Variants in SPIRE2 observed in about 807,000 individuals in gnomAD.
SPIRE2 encodes the protein protein spire homolog 2.
A neutral mutation model predicts 80.7 loss-of-function variants in SPIRE2; 76 were observed. The observed-to-expected ratio is 0.94, with a 90% confidence interval of 0.78 to 1.14. The LOEUF is 1.14. SPIRE2 is among the 50% of genes most tolerant of loss of function. The pLI is 0.00. For missense variants in SPIRE2, 1,196 were observed against 1,015.3 expected, an observed-to-expected ratio of 1.18 and a Z score of -2.42; for synonymous variants, 535 against 432.6, an observed-to-expected ratio of 1.24 and a Z score of -2.94.
Position 89,868,185 on chromosome 16 carries a change from C to T in SPIRE2, c.1779-4C>T, listed in dbSNP as rs2041806286. 1.2e-6 allele frequency: 2 copies of T among 1,613,946 alleles called. No individual in the cohort carries two copies. Among genetic ancestry groups the T allele is most frequent in the African/African-American group, 1.3e-5 (1 of 74,898 alleles). ...GATGCTGCATTTCCTCTGTTCCCTT[C>T]CAGAGCCGTCTGCACTTCCTGTAGC... On this transcript the variant is annotated splice_region_variant and splice_polypyrimidine_tract_variant and intron_variant, in intron 12 of 14. Coordinates refer to ENST00000378247, the MANE Select transcript of SPIRE2 (RefSeq NM_032451.2).
chr16:89,855,989 C>T (rs1334655798), intron 6 of SPIRE2, 124 bp from the exon 7 acceptor site: 32 of 1,473,924 alleles, frequency 2.2e-5, no homozygotes, highest in Non-Finnish European at 2.5e-5. Context: ...CAGGCTCTTC[C>T]GACTCCAGAG....
At chr16:89,839,871 G>C (rs964665416) in intron 1 of SPIRE2, among the ~76,000 whole-genome samples, 1 of 152,258 alleles carries the variant, frequency 6.6e-6, no homozygotes, top group South Asian at 2.1e-4. Context: ...CTGGCCAGGG[G>C]GCCCTGGTGG....
At chr16:89,834,838 G>C (rs1419189381) in intron 1 of SPIRE2, among the ~76,000 whole-genome samples, 2 of 91,602 alleles carry the variant, frequency 2.2e-5, no homozygotes, top group South Asian at 4.1e-4. Flanking sequence ...GTCGTAGAAG[G>C]CCCCATAAGC....
chr16:89,866,130 C>T (rs1335359197), intron 12 of SPIRE2, among the ~76,000 whole-genome samples: 2 of 23,596 alleles, frequency 8.5e-5, no homozygotes, highest in Non-Finnish European at 1.5e-4. Context: ...GCCTGGGTGA[C>T]AGAGCAAGAC....
rs1314110488 is a variant in SPIRE2 at position 89,869,647 on chromosome 16, C to T, written c.1887C>T (p.Ala629=). ...AGAGTCCTCAGAGGGTATCAGCTGC[C>T]AAAACCGCGCCAATCCAGAGAAGAG... is the stretch of plus-strand genomic sequence containing the variant. The part of the protein sequence containing the change: ...GFESPQRVSA[A]KTAPIQRRDI... The change falls in exon 14 of 15, where the codon GCC becomes GCT. Residue 629 remains alanine, a synonymous_variant. Transcript: ENST00000378247. 6.2e-7 allele frequency: 1 copy of T among 1,614,026 alleles called. No homozygotes were observed. Among genetic ancestry groups the T allele is most frequent in the East Asian group, 2.2e-5 (1 of 44,900 alleles).
At chr16:89,861,601 T>C (rs1011944163) in intron 10 of SPIRE2, among the ~76,000 whole-genome samples, 2 of 152,174 alleles carry the variant, frequency 1.3e-5, no homozygotes, top group African/African-American at 4.8e-5. Context: ...ATAACAAATA[T>C]ATATTATCTC....
At position 89,854,622 on chromosome 16, in the gene SPIRE2, G is replaced by A; in HGVS notation, c.862G>A (p.Ala288Thr). ...CGAGATGCTGATGCAGGACATCCGG[G>A]CCCGGAACTACAAGCTGCGCAAGGT... is the stretch of plus-strand genomic sequence containing the variant. ...PFEMLMQDIR[A>T]RNYKLRKVMV... is the part of the protein sequence containing the mutation. Residue 288 changes from alanine to threonine, a missense_variant, in exon 5 of 15, where the codon GCC becomes ACC. Physicochemically the swap from Ala to Thr is moderately conservative, Grantham distance 58. Transcript: ENST00000378247. 1 of 1,588,706 alleles carries A rather than the reference G, an allele frequency of 6.3e-7. No individual in the cohort carries two copies. The highest frequency in any genetic ancestry group is 1.1e-5 in the South Asian group (1 of 90,710).
At chr16:89,849,284 G>C (rs937365431) in intron 2 of SPIRE2, among the ~76,000 whole-genome samples, 3 of 150,848 alleles carry the variant, frequency 2.0e-5, no homozygotes, top group Admixed American at 2.0e-4. Context: ...AGCTGAGAGA[G>C]GGGCCATGAG....
intron 8 of SPIRE2, among the ~76,000 whole-genome samples, chr16:89,858,727 G>A (rs1288897487): frequency 6.6e-6 from 1 of 152,216 alleles, no homozygotes; most frequent in African/African-American, 2.4e-5. Flanking sequence ...GAGGGCCTGG[G>A]CTGCCTCCTC....
Position 89,860,854 on chromosome 16 carries a change from T to TC in SPIRE2, c.1575+62dup, listed in dbSNP as rs1213586506. ...CCAGGGGGCGTCTTTGCACCCACCT[T>TC]CCCGCCGCCAGCCAGGTCTGGGAGA... On this transcript the variant is annotated intron_variant, in intron 10 of 14. Coordinates refer to ENST00000378247, the MANE Select transcript of SPIRE2 (RefSeq NM_032451.2). The TC allele has an allele frequency of 1.4e-5, 15 of 1,107,722 alleles. No individual in the cohort carries two copies. The East Asian group carries it at 4.3e-4, about 32-fold the overall frequency. The allele number at this position is 1,107,722 out of a possible 1,614,324, so 68.6% of individuals were successfully genotyped here. A position where few individuals can be genotyped will look rare whatever the true frequency, so the allele number is the denominator to read the frequency against.
intron 1 of SPIRE2, among the ~76,000 whole-genome samples, chr16:89,831,923 G>A (rs1174796887): frequency 7.2e-6 from 1 of 139,314 alleles, no homozygotes; most frequent in Non-Finnish European, 1.7e-5. Context: ...TTCATCTCGC[G>A]GCCTGTGTTC....
chr16:89,833,756 C>T (rs2041411523), intron 1 of SPIRE2, among the ~76,000 whole-genome samples: 1 of 152,198 alleles, frequency 6.6e-6, no homozygotes, highest in African/African-American at 2.4e-5. Flanking sequence ...TGGGGAGCAG[C>T]ACGTGTGGGT....
At chr16:89,866,189 A>G (rs2143829480) in intron 12 of SPIRE2, among the ~76,000 whole-genome samples, 1 of 152,098 alleles carries the variant, frequency 6.6e-6, no homozygotes, top group Non-Finnish European at 1.5e-5. Context: ...AATTATGTAT[A>G]TTTCTGTTGA....
chr16:89,846,051 C>A, intron 2 of SPIRE2: 1 of 168,410 alleles, frequency 5.9e-6, no homozygotes, highest in South Asian at 1.6e-4. Flanking sequence ...TGCCCGCCAC[C>A]ACGCCCGGCT....
intron 1 of SPIRE2, among the ~76,000 whole-genome samples, chr16:89,831,978 G>A (rs1380963017): frequency 2.0e-5 from 3 of 152,252 alleles, no homozygotes; most frequent in African/African-American, 7.2e-5. Context: ...GGGGCACCGT[G>A]TCCACGTCCA....
chr16:89,854,643 A>G lies in SPIRE2; in HGVS notation c.883A>G (p.Lys295Glu), dbSNP rs1567675472. Reference sequence around the variant, plus strand: ...CCGGGCCCGGAACTACAAGCTGCGCAAGGTCATGGTGAGCGGGGCAGACGC... The same window carrying G: ...CCGGGCCCGGAACTACAAGCTGCGCGAGGTCATGGTGAGCGGGGCAGACGC... ...DIRARNYKLR[K>E]VMVDGDIPPR... The change falls in exon 5 of 15, where the codon AAG becomes GAG. Residue 295 changes from lysine (K) to glutamate (E), a missense_variant. Physicochemically the swap from Lys to Glu is moderately conservative, Grantham distance 56. Transcript: ENST00000378247. 1 of 1,554,784 alleles carries G rather than the reference A, an allele frequency of 6.4e-7. No individual in the cohort carries two copies. The highest frequency in any genetic ancestry group is 8.8e-7 in the Non-Finnish European group (1 of 1,140,904).
chr16:89,845,285 A>C, intron 1 of SPIRE2, 37 bp from the exon 2 acceptor site: 1 of 1,608,264 alleles, frequency 6.2e-7, no homozygotes, highest in Non-Finnish European at 8.5e-7. Flanking sequence ...GGTCCCGGGG[A>C]TGCTGACAAA....
At chr16:89,850,259 C>T in intron 2 of SPIRE2, 45 bp from the exon 3 acceptor site, 1 of 1,557,114 alleles carries the variant, frequency 6.4e-7, no homozygotes, top group Non-Finnish European at 8.7e-7. Context: ...CTCCCCGCCC[C>T]ACCCCCCTGC....
At chr16:89,834,695 C>T (rs1257231490) in intron 1 of SPIRE2, among the ~76,000 whole-genome samples, 3 of 125,072 alleles carry the variant, frequency 2.4e-5, no homozygotes, top group Admixed American at 1.7e-4. Context: ...CGCGGTTGGC[C>T]GTCGTAGAAG....
Sources: allele counts gnomAD v4.1 joint callset (sites outside exome capture counted in the v4.1 genomes callset), GRCh38; gene constraint gnomAD v4.1.1; transcripts MANE v1.5; gene names NCBI Gene and HGNC (gene_info 2026-07-23, HGNC 2026-07-21).